TCIRG1: variants seen among roughly 807,000 people sequenced by gnomAD.
TCIRG1 encodes the protein T cell immune regulator 1, ATPase H+ transporting V0 subunit a3, also known as V-type proton ATPase 116 kDa subunit a 3.
TCIRG1 carries 86 observed loss-of-function variants against 95.5 expected under a neutral mutation model. The ratio of observed to expected loss-of-function variants is 0.90; its 90% CI spans 0.76 to 1.08. The LOEUF is 1.08. Ranked by LOEUF, TCIRG1 falls within the 50% of genes least tolerant of loss-of-function variation. The probability of loss-of-function intolerance (pLI) is 0.00; values close to 1 mark genes in which losing one functional copy is unlikely to be tolerated. For missense variants in TCIRG1, 1,069 were observed against 1,140.2 expected (o/e 0.94, Z 0.90); for synonymous variants, 499 against 501.3 (o/e 1.00, Z 0.06).
chr11:68,048,731 C>G (rs1855631928), intron 13 of TCIRG1, 148 bp from the exon 14 acceptor site: 1 of 755,840 alleles, frequency 1.3e-6, no homozygotes, highest in East Asian at 2.5e-5. Flanking sequence ...CATCTGCGCT[C>G]TGTTGCCCCT....
intron 13 of TCIRG1, 149 bp from the exon 14 acceptor site, chr11:68,048,728 GCT>G: frequency 1.3e-6 from 1 of 747,040 alleles, no homozygotes; most frequent in Non-Finnish European, 2.4e-6. Flanking sequence ...GCCCATCTGC[GCT>G]CTGTTGCCCC....
In TCIRG1 at chr11:68,043,796, A is replaced by G. The variant is rs1169034385; in HGVS notation, c.714-18A>G. On this transcript the variant is annotated intron_variant, in intron 7 of 19. Coordinates refer to ENST00000265686, the MANE Select transcript of TCIRG1 (RefSeq NM_006019.4). Reference sequence around the variant, plus strand: ...GCTGTGTCCTTCTGGCCCCTCACGCAGCGCATCCTCCCTCCAGCTTCCACT... The same window carrying G: ...GCTGTGTCCTTCTGGCCCCTCACGCGGCGCATCCTCCCTCCAGCTTCCACT... 1 of 1,556,102 alleles carries G rather than the reference A, an allele frequency of 6.4e-7. No homozygotes were observed. Among genetic ancestry groups the G allele is most frequent in the Admixed American group, 1.9e-5 (1 of 51,488 alleles).
Position 68,043,880 on chromosome 11 carries a change from G to T in TCIRG1, c.780G>T (p.Leu260=). 1 of 1,562,508 alleles carries T rather than the reference G, an allele frequency of 6.4e-7. No homozygotes were observed. Among genetic ancestry groups the T allele is most frequent in the Non-Finnish European group, 8.7e-7 (1 of 1,154,210 alleles). The change falls in exon 8 of 20, where the codon CTG becomes CTT. Residue 260 remains leucine (L), a synonymous_variant. Transcript: ENST00000265686. ...CCCGCCTCGGGGCCCTGCAGCAGCT[G>T]CAACAGCAGAGCCAGGAGCTGCAGG... ...EEARLGALQQ[L]QQQSQELQEV... is the part of the protein sequence containing the mutation.
chr11:68,050,717 A>G (rs774554475), intron 19 of TCIRG1, 24 bp from the exon 20 acceptor site: 1 of 1,613,850 alleles, frequency 6.2e-7, no homozygotes, highest in Non-Finnish European at 8.5e-7. Context: ...TCCCCTCACC[A>G]ACCCCTCTGC....
chr11:68,045,120 C>G lies in TCIRG1; in HGVS notation c.1165+18C>G. On this transcript the variant is annotated intron_variant, in intron 10 of 19. Coordinates refer to ENST00000265686, the MANE Select transcript of TCIRG1 (RefSeq NM_006019.4). ...CAACCCCGGTGAGAGCCACGGCATC[C>G]TTACCCGTGTCCTGGGAGGCTCAGC... The G allele has an allele frequency of 6.3e-7, 1 of 1,599,396 alleles. No homozygotes were observed. The highest frequency in any genetic ancestry group is 8.5e-7 in the Non-Finnish European group (1 of 1,179,920).
Position 68,047,432 on chromosome 11 carries a change from G to A in TCIRG1, c.1166-1G>A. On this transcript the variant is annotated splice_acceptor_variant, in intron 10 of 19. Coordinates refer to ENST00000265686, the MANE Select transcript of TCIRG1 (RefSeq NM_006019.4). LOFTEE classifies it high-confidence loss of function. ...CCCAGCTCACCCACCTCTGCCCACA[G>A]CTCCCTACACCATCATCACCTTCCC... 2 of 1,613,790 alleles carry A rather than the reference G, an allele frequency of 1.2e-6. No homozygotes were observed. Among genetic ancestry groups the A allele is most frequent in the Non-Finnish European group, 1.7e-6 (2 of 1,179,914 alleles).
intron 1 of TCIRG1, 64 bp from the exon 2 acceptor site, chr11:68,041,204 T>C (rs1247703120): frequency 1.9e-6 from 2 of 1,054,546 alleles, no homozygotes; most frequent in Non-Finnish European, 3.0e-6. Flanking sequence ...GGTGCACAGG[T>C]GCCCGTGGTT....
chr11:68,051,355 C>T (rs1409464726), downstream of TCIRG1, among the ~76,000 whole-genome samples: 1 of 152,230 alleles, frequency 6.6e-6, no homozygotes, highest in Non-Finnish European at 1.5e-5. Flanking sequence ...GCAGACATTA[C>T]CCAGGACCCC....
At chr11:68,045,710 C>T (rs1031764889) in intron 10 of TCIRG1, among the ~76,000 whole-genome samples, 9 of 152,252 alleles carry the variant, frequency 5.9e-5, no homozygotes, top group Middle Eastern at 3.4e-3. Context: ...CGCACCACCA[C>T]GCCTGGCTAA....
downstream of TCIRG1, among the ~76,000 whole-genome samples, chr11:68,051,377 CAG>C (rs1355179171): frequency 2.6e-5 from 4 of 152,224 alleles, no homozygotes; most frequent in African/African-American, 4.8e-5. Context: ...GGGTTCAGAA[CAG>C]GGGCTGAGCC....
At position 68,043,811 on chromosome 11, in the gene TCIRG1, C is replaced by T. The variant is rs1295358641; in HGVS notation, c.714-3C>T. 1.3e-6 allele frequency: 2 copies of T among 1,560,652 alleles called. No individual in the cohort carries two copies. Among genetic ancestry groups the T allele is most frequent in the South Asian group, 1.2e-5 (1 of 84,880 alleles). ...CCCCTCACGCAGCGCATCCTCCCTC[C>T]AGCTTCCACTGCCACGTCTTCCCGT... On this transcript the variant is annotated splice_region_variant and splice_polypyrimidine_tract_variant and intron_variant, in intron 7 of 19. Transcript: ENST00000265686.
intron 1 of TCIRG1, among the ~76,000 whole-genome samples, chr11:68,039,330 C>T (rs1033090513): frequency 6.6e-6 from 1 of 152,140 alleles, no homozygotes; most frequent in African/African-American, 2.4e-5. Flanking sequence ...CACAGCCCAG[C>T]GTTCCCGGGC....
At chr11:68,049,893 C>T in intron 16 of TCIRG1, 69 bp from the exon 17 acceptor site, 1 of 1,556,972 alleles carries the variant, frequency 6.4e-7, no homozygotes, top group African/African-American at 1.4e-5. Flanking sequence ...TGGCCAGGAG[C>T]AGGCCTGGCG....
chr11:68,048,029 G>A, intron 13 of TCIRG1, 57 bp downstream of exon 13: 2 of 1,480,128 alleles, frequency 1.4e-6, no homozygotes. Flanking sequence ...GTGGGGGCTG[G>A]GGCTCCCCTC....
rs776603573 is a variant in TCIRG1, at chr11:68,049,802, C to G, written c.2013+14C>G. The G allele has an allele frequency of 1.3e-6, 2 of 1,565,354 alleles. No homozygotes were observed. Among genetic ancestry groups the G allele is most frequent in the East Asian group, 4.6e-5 (2 of 43,592 alleles). ...GCTGACCGACAGGTGGGACCGGGGCCTAAGGTGTGGGGGGCTGCTTGCGGG... is the reference window on the plus strand; with the variant it reads ...GCTGACCGACAGGTGGGACCGGGGCGTAAGGTGTGGGGGGCTGCTTGCGGG... On this transcript the variant is annotated intron_variant, in intron 16 of 19. Coordinates refer to ENST00000265686, the MANE Select transcript of TCIRG1 (RefSeq NM_006019.4).
intron 1 of TCIRG1, among the ~76,000 whole-genome samples, chr11:68,040,667 G>A (rs796693083): frequency 7.9e-5 from 12 of 152,350 alleles, no homozygotes; most frequent in African/African-American, 1.2e-4. Context: ...GCAAGGCCCC[G>A]GGCCCTTCCC....
chr11:68,039,462 G>A lies in TCIRG1; in HGVS notation c.-5+343G>A, dbSNP rs1855058177. ...GAGCTGGAGACCAGCTGGGTCATTT[G>A]ACTCCAGAGCCCACCCCATTTGGAA... On this transcript the variant is annotated intron_variant, in intron 1 of 19. Transcript: ENST00000265686. Among the ~76,000 whole-genome samples, 7 of 152,256 alleles carry A rather than the reference G, an allele frequency of 4.6e-5. No homozygotes were observed. The South Asian group carries it at 1.5e-3, about 32-fold the overall frequency.
intron 18 of TCIRG1, 62 bp downstream of exon 18, chr11:68,050,316 C>T: frequency 6.3e-7 from 1 of 1,597,490 alleles, no homozygotes; most frequent in Non-Finnish European, 8.5e-7. Flanking sequence ...CCGCTGCTGG[C>T]TGGGCGGGTT....
At chr11:68,043,974 TGCA>T in intron 8 of TCIRG1, 67 bp downstream of exon 8, 1 of 1,387,490 alleles carries the variant, frequency 7.2e-7, no homozygotes. Flanking sequence ...CGGAGGTGGG[TGCA>T]GGAGGTGGGT....
Sources: gnomAD v4.1 joint callset for allele counts (sites outside exome capture counted in the v4.1 genomes callset) on GRCh38, gnomAD v4.1.1 for gene constraint, MANE v1.5 for transcripts, NCBI Gene and HGNC (gene_info 2026-07-23, HGNC 2026-07-21) for gene names.